SORCS3: variants seen among roughly 807,000 people sequenced by gnomAD.
SORCS3 encodes the protein sortilin related VPS10 domain containing receptor 3.
In SORCS3, 57 loss-of-function variants were observed where a neutral mutation model predicts 146.3. The observed-to-expected ratio is 0.39, with a 90% CI of 0.31 to 0.49. The LOEUF is 0.49. Among genes scored for constraint, SORCS3 ranks in the 20% least tolerant of loss-of-function variants. The probability of loss-of-function intolerance (pLI) is 0.92; values close to 1 mark genes in which losing one functional copy is unlikely to be tolerated. For synonymous variants in SORCS3, 653 were observed against 618.5 expected (o/e 1.06, Z -0.83); for missense variants, 1,341 against 1,575.5 (o/e 0.85, Z 2.52).
At chr10:105,221,683 G>A (rs913026802) in intron 19 of SORCS3, among the ~76,000 whole-genome samples, 3 of 152,134 alleles carry the variant, frequency 2.0e-5, no homozygotes, top group African/African-American at 7.2e-5. Flanking sequence ...AATAAGGACG[G>A]CTAGATGGCC....
intron 1 of SORCS3, among the ~76,000 whole-genome samples, chr10:104,738,053 T>C (rs1409410437): frequency 6.6e-6 from 1 of 152,072 alleles, no homozygotes; most frequent in Non-Finnish European, 1.5e-5. Context: ...CATTGCTTGT[T>C]TTTCTCAAGT....
intron 11 of SORCS3, among the ~76,000 whole-genome samples, chr10:105,161,727 T>C (rs746593411): frequency 2.6e-5 from 4 of 152,180 alleles, no homozygotes; most frequent in African/African-American, 4.8e-5. Context: ...CTTGCCTTGA[T>C]TGCATAACTG....
At chr10:105,193,047 C>G (rs117162781) in intron 14 of SORCS3, among the ~76,000 whole-genome samples, 1,657 of 152,284 alleles carry the variant, frequency 0.011, 8 homozygotes, top group Middle Eastern at 0.044. Context: ...CTAACCCTCT[C>G]TGTGTATAGA....
At chr10:105,026,956 A>G (rs1188825121) in intron 4 of SORCS3, among the ~76,000 whole-genome samples, 5 of 152,154 alleles carry the variant, frequency 3.3e-5, no homozygotes, top group East Asian at 1.9e-4. Flanking sequence ...AAATCTGCAT[A>G]TGTACCTCCT....
intron 4 of SORCS3, among the ~76,000 whole-genome samples, chr10:105,000,425 G>A (rs2055054055): frequency 6.6e-6 from 1 of 151,944 alleles, no homozygotes; most frequent in South Asian, 2.1e-4. Context: ...ATTATAAGGT[G>A]CCCCGGATTG....
Position 105,102,825 on chromosome 10 carries a change from C to G in SORCS3, c.1094-2572C>G, listed in dbSNP as rs1163120998. ...TTTTTTTGTGAGATGGAGTTTTGCT[C>G]TGTCACCAGGCTGGAGTACCGTGGC... On this transcript the variant is annotated intron_variant, in intron 6 of 26. Coordinates refer to ENST00000369701, the MANE Select transcript of SORCS3 (RefSeq NM_014978.3). Among the ~76,000 whole-genome samples, 16 of 104,686 alleles carry G rather than the reference C, an allele frequency of 1.5e-4. No individual in the cohort carries two copies. In the Admixed American group the frequency reaches 2.4e-3, roughly 16 times the overall value. The allele number at this position is 104,686 out of a possible 152,430, so 68.7% of individuals were successfully genotyped here.
At chr10:105,022,621 T>G (rs1053377953) in intron 4 of SORCS3, among the ~76,000 whole-genome samples, 8 of 152,188 alleles carry the variant, frequency 5.3e-5, no homozygotes, top group African/African-American at 1.9e-4. Context: ...TTTAAGTCAT[T>G]AAGACAATAA....
chr10:104,821,976 T>G, intron 1 of SORCS3: 1 of 413,586 alleles, frequency 2.4e-6, no homozygotes, highest in South Asian at 1.9e-5. Flanking sequence ...ACTTCAAGGT[T>G]GAATGACAGC....
chr10:104,925,370 C>A (rs1397590274), intron 3 of SORCS3, among the ~76,000 whole-genome samples: 1 of 152,084 alleles, frequency 6.6e-6, no homozygotes, highest in African/African-American at 2.4e-5. Flanking sequence ...CAGGTTAAAC[C>A]ACTTAATTTT....
At chr10:105,124,185 A>G (rs2055955747) in intron 7 of SORCS3, among the ~76,000 whole-genome samples, 1 of 152,194 alleles carries the variant, frequency 6.6e-6, no homozygotes, top group Non-Finnish European at 1.5e-5. Context: ...GGCACAGAGA[A>G]TAGCTCCACA....
Position 104,826,412 on chromosome 10 carries a change from T to C in SORCS3, c.628-16380T>C, listed in dbSNP as rs534613585. ...CATATACCTCAGAGATATTGTGTGT[T>C]ACAGTCCACCACAATAAGGTGAATA... On this transcript the variant is annotated intron_variant, in intron 1 of 26. Coordinates refer to ENST00000369701, the MANE Select transcript of SORCS3 (RefSeq NM_014978.3). 3.3e-5 allele frequency among the ~76,000 whole-genome samples: 5 copies of C among 152,310 alleles called. No individual in the cohort carries two copies. The South Asian group carries it at 1.0e-3, about 32-fold the overall frequency.
intron 1 of SORCS3, among the ~76,000 whole-genome samples, chr10:104,842,450 C>T (rs2018152412): frequency 6.6e-6 from 1 of 152,072 alleles, no homozygotes; most frequent in Non-Finnish European, 1.5e-5. Flanking sequence ...CTCTGGGTGG[C>T]CTTGGTGGTG....
chr10:104,907,754 A>G (rs1167627355), intron 2 of SORCS3, among the ~76,000 whole-genome samples: 1 of 152,196 alleles, frequency 6.6e-6, no homozygotes, highest in Non-Finnish European at 1.5e-5. Context: ...GGTCAGGGAG[A>G]GCTGTGTAAG....
intron 5 of SORCS3, among the ~76,000 whole-genome samples, chr10:105,069,589 A>G (rs2055544476): frequency 6.6e-6 from 1 of 152,182 alleles, no homozygotes; most frequent in Admixed American, 6.5e-5. Flanking sequence ...TCCTTCAGAC[A>G]GTGCTTGGCT....
At chr10:104,765,000 A>C (rs2017163052) in intron 1 of SORCS3, among the ~76,000 whole-genome samples, 1 of 152,192 alleles carries the variant, frequency 6.6e-6, no homozygotes, top group African/African-American at 2.4e-5. Flanking sequence ...GCCATCACAG[A>C]GGTCAGGGAA....
intron 2 of SORCS3, among the ~76,000 whole-genome samples, chr10:104,904,697 C>T (rs1023216751): frequency 6.6e-6 from 1 of 151,328 alleles, no homozygotes; most frequent in African/African-American, 2.4e-5. Flanking sequence ...AAATAATGAC[C>T]CCAAATTTTG....
At chr10:104,930,895 T>C (rs2019199725) in intron 3 of SORCS3, among the ~76,000 whole-genome samples, 1 of 152,216 alleles carries the variant, frequency 6.6e-6, no homozygotes, top group African/African-American at 2.4e-5. Flanking sequence ...TGAGAAATCT[T>C]TGCAAATACT....
At chr10:105,197,544 G>A (rs143126561) in intron 14 of SORCS3, among the ~76,000 whole-genome samples, 2 of 152,188 alleles carry the variant, frequency 1.3e-5, no homozygotes, top group Admixed American at 1.3e-4. Context: ...ACAGGTTATT[G>A]CCTCTTTGGT....
Position 105,155,775 on chromosome 10 carries a change from C to T in SORCS3, c.1483-1363C>T, listed in dbSNP as rs149031412. 3.3e-5 allele frequency among the ~76,000 whole-genome samples: 5 copies of T among 152,312 alleles called. No homozygotes were observed. The East Asian group carries it at 9.7e-4, about 29-fold the overall frequency. On this transcript the variant is annotated intron_variant, in intron 9 of 26. Coordinates refer to ENST00000369701, the MANE Select transcript of SORCS3 (RefSeq NM_014978.3). ...GCCCTACCTTGGTTTCTCTGCTTAC[C>T]TACCCACTGTTCCAGGTAGCAATCT...
Sources: gnomAD v4.1 joint callset for allele counts (sites outside exome capture counted in the v4.1 genomes callset) on GRCh38, gnomAD v4.1.1 for gene constraint, MANE v1.5 for transcripts, NCBI Gene and HGNC (gene_info 2026-07-23, HGNC 2026-07-21) for gene names.